The following CYP2U1 variants were observed in gnomAD, a reference collection of about 807,000 sequenced individuals.
CYP2U1 encodes the protein cytochrome P450 family 2 subfamily U member 1.
A neutral mutation model predicts 42.8 loss-of-function variants in CYP2U1; 28 were observed. That is an observed-to-expected ratio of 0.65 (90% CI 0.48 to 0.90). The LOEUF is 0.90. Among genes scored for constraint, CYP2U1 ranks in the 40% least tolerant of loss-of-function variants. The probability of loss-of-function intolerance (pLI) is 0.00; values close to 1 mark genes in which losing one functional copy is unlikely to be tolerated. For synonymous variants in CYP2U1, 296 were observed against 278.9 expected, an observed-to-expected ratio of 1.06 and a Z score of -0.61; for missense variants, 642 against 693.8, an observed-to-expected ratio of 0.93 and a Z score of 0.84.
rs757598063 is a variant in CYP2U1 at position 107,945,030 on chromosome 4, C to T, written c.551C>T (p.Thr184Ile). The T allele has an allele frequency of 1.2e-6, 2 of 1,613,360 alleles. No individual in the cohort carries two copies. The highest frequency in any genetic ancestry group is 1.7e-6 in the Non-Finnish European group (2 of 1,179,918). ...WRQQRKFSHS[T>I]LRHFGLGKLS... ...CAACAAAGGAAGTTCTCTCATTCAA[C>T]TCTTCGTCATTTTGGGTTGGGAAAA... The change falls in exon 2 of 5, where the codon ACT (threonine) becomes ATT (isoleucine). Residue 184 changes from threonine to isoleucine, a missense_variant. Thr to Ile is a moderately conservative substitution (Grantham distance 89). Transcript: ENST00000332884.
intron 1 of CYP2U1, chr4:107,937,307 A>G (rs1284101466): frequency 1.3e-5 from 2 of 152,212 alleles, no homozygotes; most frequent in Non-Finnish European, 2.9e-5. Context: ...ATGTAATAAA[A>G]TAGGTATTTG....
chr4:107,932,530 C>G (rs534660251), intron 1 of CYP2U1, among the ~76,000 whole-genome samples: 17 of 152,124 alleles, frequency 1.1e-4, no homozygotes, highest in Non-Finnish European at 2.1e-4. Flanking sequence ...TTCTTTTTAC[C>G]TTGTGGGTTT....
At chr4:107,947,107 G>C (rs1578731167) in intron 2 of CYP2U1, among the ~76,000 whole-genome samples, 1 of 152,264 alleles carries the variant, frequency 6.6e-6, no homozygotes, top group East Asian at 1.9e-4. Flanking sequence ...GTATGACTTA[G>C]GATGCTCCTG....
At chr4:107,944,470 A>ATT (rs34360981) in intron 1 of CYP2U1, among the ~76,000 whole-genome samples, 24,589 of 143,002 alleles carry the variant, frequency 0.17, 2,212 homozygotes, top group Non-Finnish European at 0.21. Context: ...CACCCGGCTA[A>ATT]TTTTTTTTTT....
Position 107,950,609 on chromosome 4 carries a change from G to A in CYP2U1, c.*186G>A. The A allele has an allele frequency of 2.0e-6, 1 of 503,742 alleles. No homozygotes were observed. The allele number at this position is 503,742 out of a possible 1,614,324, so 31.2% of individuals were successfully genotyped here. Reference sequence around the variant, plus strand: ...GAGGATTCCTCAGCAGGATACTTCAGCCATTTTAGTAATGCAGGTCTGTGA... The same window carrying A: ...GAGGATTCCTCAGCAGGATACTTCAACCATTTTAGTAATGCAGGTCTGTGA... On this transcript the variant is annotated 3_prime_UTR_variant, in exon 5 of 5. Transcript: ENST00000332884.
At chr4:107,941,507 A>G (rs1733494280) in intron 1 of CYP2U1, among the ~76,000 whole-genome samples, 1 of 152,166 alleles carries the variant, frequency 6.6e-6, no homozygotes, top group Admixed American at 6.5e-5. Context: ...TTATTTAGAA[A>G]TTTCATTGGC....
intron 1 of CYP2U1, among the ~76,000 whole-genome samples, chr4:107,942,103 A>T (rs1733513769): frequency 6.6e-6 from 1 of 152,226 alleles, no homozygotes; most frequent in Non-Finnish European, 1.5e-5. Flanking sequence ...GTGACAATGG[A>T]GACATAGACG....
At chr4:107,944,433 C>T (rs2126198415) in intron 1 of CYP2U1, among the ~76,000 whole-genome samples, 1 of 151,692 alleles carries the variant, frequency 6.6e-6, no homozygotes, top group South Asian at 2.1e-4. Flanking sequence ...CTCTTGAGTA[C>T]CTGGGGCTTA....
intron 1 of CYP2U1, 43 bp from the exon 2 acceptor site, chr4:107,944,927 G>A (rs1040930311): frequency 1.9e-6 from 3 of 1,553,594 alleles, no homozygotes; most frequent in South Asian, 1.2e-5. Flanking sequence ...AGTGTTATCA[G>A]GAATACTGTT....
rs1733929754 is a variant in CYP2U1, at chr4:107,952,064, C to T, written c.*1641C>T. 6.6e-6 allele frequency: 1 copy of T among 152,316 alleles called. No homozygotes were observed. Among genetic ancestry groups the T allele is most frequent in the Non-Finnish European group, 1.5e-5 (1 of 68,088 alleles). 9.4% of individuals were successfully genotyped at this position (152,316 alleles called of 1,614,324 possible). On this transcript the variant is annotated 3_prime_UTR_variant, in exon 5 of 5. Transcript: ENST00000332884. The stretch of plus-strand genomic sequence containing the variant: ...TCTGTCTTCATCCCAGGCTGAGCTC[C>T]TTGAGGTGAGGATGTTGTGCTGTTT...
At position 107,950,784 on chromosome 4, in the gene CYP2U1, C is replaced by G. The variant is rs1733883841; in HGVS notation, c.*361C>G. 1 of 175,138 alleles carries G rather than the reference C, an allele frequency of 5.7e-6. No homozygotes were observed. Among genetic ancestry groups the G allele is most frequent in the South Asian group, 1.6e-4 (1 of 6,214 alleles). 10.8% of individuals were successfully genotyped at this position (175,138 alleles called of 1,614,324 possible). A position where few individuals can be genotyped will look rare whatever the true frequency, so the allele number is the denominator to read the frequency against. ...GTAATAAAACTTGGCTTCTCTCTAC[C>G]TCTCAGCACTAATGATGGTCAAATG... On this transcript the variant is annotated 3_prime_UTR_variant, in exon 5 of 5. Transcript: ENST00000332884.
At chr4:107,949,635 G>T in intron 4 of CYP2U1, 118 bp downstream of exon 4, 1 of 924,034 alleles carries the variant, frequency 1.1e-6, no homozygotes, top group Non-Finnish European at 1.5e-6. Flanking sequence ...ATAAGAGAAG[G>T]GATCAATAAT....
chr4:107,934,258 A>G (rs115008326), intron 1 of CYP2U1, among the ~76,000 whole-genome samples: 1 of 149,676 alleles, frequency 6.7e-6, no homozygotes, highest in African/African-American at 2.5e-5. Flanking sequence ...ATGCTTCCCT[A>G]CCCTGCAGAA....
Position 107,951,323 on chromosome 4 carries a change from C to T in CYP2U1, c.*900C>T, listed in dbSNP as rs1253282391. 3.3e-5 allele frequency: 5 copies of T among 152,208 alleles called. No individual in the cohort carries two copies. Among genetic ancestry groups the T allele is most frequent in the Admixed American group, 3.3e-4 (5 of 15,276 alleles). 9.4% of individuals were successfully genotyped at this position (152,208 alleles called of 1,614,324 possible). ...TGGGGATTTTGATACTGGGACTCATCAGGAAAGGATTCTGCTTTCAAACTA... is the reference window on the plus strand; with the variant it reads ...TGGGGATTTTGATACTGGGACTCATTAGGAAAGGATTCTGCTTTCAAACTA... On this transcript the variant is annotated 3_prime_UTR_variant, in exon 5 of 5. Coordinates refer to ENST00000332884, the MANE Select transcript of CYP2U1 (RefSeq NM_183075.3).
At position 107,947,417 on chromosome 4, in the gene CYP2U1, C is replaced by T. The variant is rs772400670; in HGVS notation, c.1168C>T (p.Arg390Ter). Residue 390 changes from arginine to a stop codon, truncating the protein, a stop_gained, in exon 3 of 5, where the codon CGA (arginine) becomes TGA (stop). Coordinates refer to ENST00000332884, the MANE Select transcript of CYP2U1 (RefSeq NM_183075.3). LOFTEE classifies it high-confidence loss of function. The part of the protein sequence containing the change: ...EEIERVIGAN[R>*]APSLTDKAQM... Reference sequence around the variant, plus strand: ...AATTGAAAGAGTCATTGGCGCCAACCGAGCTCCTTCCCTCACAGACAAGGC... The same window carrying T: ...AATTGAAAGAGTCATTGGCGCCAACTGAGCTCCTTCCCTCACAGACAAGGC... 16 of 1,614,130 alleles carry T rather than the reference C, an allele frequency of 9.9e-6. No homozygotes were observed. The highest frequency in any genetic ancestry group is 4.0e-5 in the African/African-American group (3 of 75,042).
At chr4:107,940,806 A>C (rs1733466085) in intron 1 of CYP2U1, 1 of 152,160 alleles carries the variant, frequency 6.6e-6, no homozygotes. Context: ...AGGAAGGGGG[A>C]AAAGAATGAA....
At chr4:107,944,410 C>G (rs1047155005) in intron 1 of CYP2U1, among the ~76,000 whole-genome samples, 3 of 151,928 alleles carry the variant, frequency 2.0e-5, no homozygotes, top group African/African-American at 7.3e-5. Context: ...TCAAGTGATT[C>G]TCCGACCTTA....
At chr4:107,949,194 A>G (rs904212998) in intron 3 of CYP2U1, among the ~76,000 whole-genome samples, 156 bp from the exon 4 acceptor site, 1 of 152,152 alleles carries the variant, frequency 6.6e-6, no homozygotes, top group African/African-American at 2.4e-5. Flanking sequence ...GCCAGTTGGT[A>G]AGATCTTATC....
At position 107,951,384 on chromosome 4, in the gene CYP2U1, G is replaced by A. The variant is rs185010907; in HGVS notation, c.*961G>A. ...TCCTGTCCTAGCGTCCCTGCCACCA[G>A]GCCCAATGCATCTGATCCTTGAATA... On this transcript the variant is annotated 3_prime_UTR_variant, in exon 5 of 5. Transcript: ENST00000332884. 4.1e-4 allele frequency: 63 copies of A among 152,272 alleles called. 1 individual carries two copies. The highest frequency in any genetic ancestry group is 1.4e-3 in the African/African-American group (57 of 41,546). 9.4% of individuals were successfully genotyped at this position (152,272 alleles called of 1,614,324 possible). A position where few individuals can be genotyped will look rare whatever the true frequency, so the allele number is the denominator to read the frequency against.
Sources: gnomAD v4.1 joint callset for allele counts (sites outside exome capture counted in the v4.1 genomes callset) on GRCh38, gnomAD v4.1.1 for gene constraint, MANE v1.5 for transcripts, NCBI Gene and HGNC (gene_info 2026-07-23, HGNC 2026-07-21) for gene names.